The following PPM1H variants were observed in gnomAD, a reference collection of about 807,000 sequenced individuals.
PPM1H encodes the protein protein phosphatase 1H.
Under a neutral mutation model 54.9 loss-of-function variants are expected in PPM1H, and 27 were observed. The observed-to-expected ratio is 0.49, with a 90% CI of 0.36 to 0.68. PPM1H has a LOEUF of 0.68. Among genes scored for constraint, PPM1H ranks in the 30% least tolerant of loss-of-function variants. The pLI is 0.00. For synonymous variants in PPM1H, 305 were observed against 270.8 expected, an observed-to-expected ratio of 1.13 and a Z score of -1.24; for missense variants, 596 against 667.8, an observed-to-expected ratio of 0.89 and a Z score of 1.19.
At chr12:62,891,345 G>C (rs1207634583) in intron 1 of PPM1H, among the ~76,000 whole-genome samples, 4 of 152,124 alleles carry the variant, frequency 2.6e-5, no homozygotes, top group Admixed American at 6.5e-5. Flanking sequence ...TGAACCATTA[G>C]TTTACAGACT....
intron 1 of PPM1H, among the ~76,000 whole-genome samples, chr12:62,905,051 G>A (rs961338274): frequency 6.6e-6 from 1 of 152,108 alleles, no homozygotes; most frequent in Admixed American, 6.5e-5. Context: ...CTCATGGTGT[G>A]ACCCTAAACA....
chr12:62,749,566 G>A (rs1010130531), intron 4 of PPM1H, among the ~76,000 whole-genome samples: 1 of 152,178 alleles, frequency 6.6e-6, no homozygotes, highest in Non-Finnish European at 1.5e-5. Flanking sequence ...TCAGAGGATG[G>A]CTACTCTGTA....
rs768288538 is a variant in PPM1H at position 62,658,212 on chromosome 12, T to TTTTTTC, written c.1397+8965_1397+8966insGAAAAA. ...TTTTTTTTTTTTTTTTTTTTTTTTT[T>TTTTTTC]AAGTAAAAAAGAAGTTTCCACAGAC... On this transcript the variant is annotated intron_variant, in intron 9 of 9. Coordinates refer to ENST00000228705, the MANE Select transcript of PPM1H (RefSeq NM_020700.2). 8.1e-3 allele frequency among the ~76,000 whole-genome samples: 1,057 copies of TTTTTTC among 130,492 alleles called. 36 individuals carry two copies. Among genetic ancestry groups the TTTTTTC allele is most frequent in the Middle Eastern group, 0.016 (4 of 246 alleles). The allele number at this position is 130,492 out of a possible 152,430, so 85.6% of individuals were successfully genotyped here.
At chr12:62,722,304 G>T (rs2076268186) in intron 5 of PPM1H, among the ~76,000 whole-genome samples, 1 of 152,098 alleles carries the variant, frequency 6.6e-6, no homozygotes, top group African/African-American at 2.4e-5. Flanking sequence ...TGGGCTTAGG[G>T]GTTACCATGT....
intron 2 of PPM1H, among the ~76,000 whole-genome samples, chr12:62,830,604 C>T (rs1424091950): frequency 6.6e-6 from 1 of 152,064 alleles, no homozygotes; most frequent in African/African-American, 2.4e-5. Flanking sequence ...GAATAACCAT[C>T]CCAAAATTAA....
chr12:62,897,099 G>T (rs1469875851), intron 1 of PPM1H, among the ~76,000 whole-genome samples: 1 of 126,480 alleles, frequency 7.9e-6, no homozygotes. Flanking sequence ...GGGGCCTGTT[G>T]CGGGGTGGGG....
chr12:62,921,361 T>C (rs964873050), intron 1 of PPM1H, among the ~76,000 whole-genome samples: 1 of 152,140 alleles, frequency 6.6e-6, no homozygotes, highest in Non-Finnish European at 1.5e-5. Flanking sequence ...TCCCTGAAAG[T>C]ACAGTAGAGC....
chr12:62,771,087 CAA>C (rs2076576806), intron 4 of PPM1H, among the ~76,000 whole-genome samples: 1 of 134,040 alleles, frequency 7.5e-6, no homozygotes, highest in South Asian at 2.4e-4. Context: ...CACACACACA[CAA>C]CTGTGTTTTT....
rs147681371 is a variant in PPM1H at position 62,914,869 on chromosome 12, C to A, written c.245+19623G>T. ...GTCGCTAACATCTCTCTTCCTTATT[C>A]CCAAACAGTCCCACAATCTATTAGC... On this transcript the variant is annotated intron_variant, in intron 1 of 9. Transcript: ENST00000228705. 4.4e-3 allele frequency among the ~76,000 whole-genome samples: 670 copies of A among 152,270 alleles called. 4 individuals carry two copies. The highest frequency in any genetic ancestry group is 6.8e-3 in the Middle Eastern group (2 of 294).
At chr12:62,682,702 T>G (rs1200847142) in intron 8 of PPM1H, among the ~76,000 whole-genome samples, 1 of 152,120 alleles carries the variant, frequency 6.6e-6, no homozygotes, top group Non-Finnish European at 1.5e-5. Flanking sequence ...CAGGGTTTCA[T>G]TATATTGTCC....
chr12:62,788,313 C>T lies in PPM1H; in HGVS notation c.782G>A (p.Ser261Asn), dbSNP rs1277453879. Residue 261 changes from serine to asparagine, a missense_variant, in exon 4 of 10, where the codon AGT (serine) becomes AAT (asparagine). By Grantham distance (46) the Ser-to-Asn change is conservative. Transcript: ENST00000228705. ...EMDLQIERER[S>N]SYNISGGCTA... Reference sequence around the variant, plus strand: ...GCAGCCACCAGATATATTATATGAACTCCTCTCTCGTTCTATCTGTAGGTC... The same window carrying T: ...GCAGCCACCAGATATATTATATGAATTCCTCTCTCGTTCTATCTGTAGGTC... 4 of 1,581,916 alleles carry T rather than the reference C, an allele frequency of 2.5e-6. No individual in the cohort carries two copies. The African/African-American group carries it at 4.0e-5, about 16-fold the overall frequency.
At chr12:62,897,031 G>T (rs1038532478) in intron 1 of PPM1H, among the ~76,000 whole-genome samples, 2 of 145,780 alleles carry the variant, frequency 1.4e-5, no homozygotes, top group South Asian at 2.2e-4. Flanking sequence ...ATTCTCACTC[G>T]CAGGTGGGAA....
intron 4 of PPM1H, among the ~76,000 whole-genome samples, chr12:62,751,355 G>A (rs2076441366): frequency 6.6e-6 from 1 of 152,200 alleles, no homozygotes; most frequent in South Asian, 2.1e-4. Flanking sequence ...TAGAAGCTTT[G>A]AAGAGGCTAA....
Position 62,834,264 on chromosome 12 carries a change from C to G in PPM1H, c.246-1985G>C, listed in dbSNP as rs1469963562. On this transcript the variant is annotated intron_variant, in intron 1 of 9. Transcript: ENST00000228705. The stretch of plus-strand genomic sequence containing the variant: ...TTCAATGTCTATTTTCTTGTCCCAC[C>G]TTCAAGGAAATGCATTTCCTCTTTC... 2.6e-5 allele frequency among the ~76,000 whole-genome samples: 4 copies of G among 152,224 alleles called. No individual in the cohort carries two copies. In the East Asian group the frequency reaches 7.7e-4, roughly 29 times the overall value.
At chr12:62,665,742 T>TTTTG (rs2075914486) in intron 9 of PPM1H, among the ~76,000 whole-genome samples, 3 of 152,218 alleles carry the variant, frequency 2.0e-5, no homozygotes, top group Admixed American at 2.0e-4. Flanking sequence ...CTTTAAATTT[T>TTTTG]TTTGTTTGTT....
intron 1 of PPM1H, among the ~76,000 whole-genome samples, chr12:62,845,503 G>A (rs1159712063): frequency 1.3e-5 from 2 of 152,212 alleles, no homozygotes; most frequent in Admixed American, 1.3e-4. Context: ...ACACCTGGTA[G>A]ACCATATATG....
chr12:62,876,146 G>A (rs1197465051), intron 1 of PPM1H, among the ~76,000 whole-genome samples: 2 of 152,186 alleles, frequency 1.3e-5, no homozygotes, highest in East Asian at 1.9e-4. Context: ...CTGATAATCT[G>A]TACATGCTGA....
At chr12:62,892,642 AAT>A (rs1870839168) in intron 1 of PPM1H, among the ~76,000 whole-genome samples, 1 of 152,216 alleles carries the variant, frequency 6.6e-6, no homozygotes, top group Non-Finnish European at 1.5e-5. Context: ...AACTAAACTC[AAT>A]ATGTGTTTAC....
chr12:62,737,631 C>G (rs758166675), intron 4 of PPM1H, 45 bp from the exon 5 acceptor site: 7 of 1,330,478 alleles, frequency 5.3e-6, no homozygotes, highest in Non-Finnish European at 7.3e-6. Flanking sequence ...CTCATAAATG[C>G]TCTGATTCTG....
Sources: gnomAD v4.1 joint callset for allele counts (sites outside exome capture counted in the v4.1 genomes callset) on GRCh38, gnomAD v4.1.1 for gene constraint, MANE v1.5 for transcripts, NCBI Gene and HGNC (gene_info 2026-07-23, HGNC 2026-07-21) for gene names.